Variants in HS1BP3 observed in about 807,000 individuals in gnomAD.
HS1BP3 encodes HCLS1 binding protein 3, also known as HCLS1-binding protein 3.
A neutral mutation model predicts 33.5 loss-of-function variants in HS1BP3; 32 were observed. That is an observed-to-expected ratio of 0.95 (90% CI 0.72 to 1.28). HS1BP3 has a LOEUF of 1.28. HS1BP3 is among the 50% of genes most tolerant of loss of function. HS1BP3 has a pLI of 0.00. For synonymous variants in HS1BP3, 187 were observed against 209.2 expected (o/e 0.89, Z 0.92); for missense variants, 486 against 502.3 (o/e 0.97, Z 0.31).
intron 2 of HS1BP3, among the ~76,000 whole-genome samples, chr2:20,604,171 T>C (rs1694125673): frequency 6.6e-6 from 1 of 152,228 alleles, no homozygotes; most frequent in Non-Finnish European, 1.5e-5. Flanking sequence ...GGGGAGGTTC[T>C]GGAAGGCAGG....
At position 20,572,742 on chromosome 2, in the gene HS1BP3, C is replaced by T. The variant is rs11893053; in HGVS notation, c.303-12227G>A. 2.7e-3 allele frequency among the ~76,000 whole-genome samples: 404 copies of T among 152,286 alleles called. 1 individual carries two copies. Among genetic ancestry groups the T allele is most frequent in the African/African-American group, 9.4e-3 (389 of 41,552 alleles). On this transcript the variant is annotated intron_variant, in intron 5 of 5. Transcript: ENST00000446825. ...CCTGTCTCTTCAGGGTACTGGAGCC[C>T]GGGGATCAGCTCCCAGCCTGTCCTT...
intron 5 of HS1BP3, among the ~76,000 whole-genome samples, chr2:20,570,736 G>A (rs13422371): frequency 3.9e-5 from 6 of 152,216 alleles, no homozygotes; most frequent in South Asian, 2.1e-4. Flanking sequence ...GAGAAGAAAT[G>A]GTGTCTCAGA....
At chr2:20,570,982 G>A (rs2149272373) in intron 5 of HS1BP3, among the ~76,000 whole-genome samples, 1 of 152,242 alleles carries the variant, frequency 6.6e-6, no homozygotes, top group African/African-American at 2.4e-5. Flanking sequence ...GGAGAGGGCT[G>A]GGAAGGATTG....
At position 20,618,907 on chromosome 2, in the gene HS1BP3, C is replaced by A; in HGVS notation, c.*80G>T. 3 of 1,506,676 alleles carry A rather than the reference C, an allele frequency of 2.0e-6. No individual in the cohort carries two copies. Among genetic ancestry groups the A allele is most frequent in the South Asian group, 2.7e-5 (2 of 75,200 alleles). 93.3% of individuals were successfully genotyped at this position (1,506,676 alleles called of 1,614,324 possible). On this transcript the variant is annotated 3_prime_UTR_variant, in exon 7 of 7. Transcript: ENST00000304031. ...TCCCCTGGGGGTGGGGAGGTTCTGACCCTGCAGGGCCCAGTCCCTTCCCTT... is the reference window on the plus strand; with the variant it reads ...TCCCCTGGGGGTGGGGAGGTTCTGAACCTGCAGGGCCCAGTCCCTTCCCTT...
chr2:20,634,022 C>A (rs998684041), intron 4 of HS1BP3, among the ~76,000 whole-genome samples: 3 of 152,252 alleles, frequency 2.0e-5, no homozygotes, highest in Non-Finnish European at 4.4e-5. Flanking sequence ...TCGGGCCCAG[C>A]CATCCTGGCT....
At chr2:20,603,746 T>C (rs1285195357) in intron 2 of HS1BP3, among the ~76,000 whole-genome samples, 4 of 152,258 alleles carry the variant, frequency 2.6e-5, no homozygotes, top group African/African-American at 9.6e-5. Context: ...ATGAATTATA[T>C]CTCAATGAAG....
intron 5 of HS1BP3, among the ~76,000 whole-genome samples, chr2:20,577,996 A>G (rs2882035): frequency 0.77 from 117,661 of 152,226 alleles, 49,226 homozygotes; most frequent in Non-Finnish European, 0.92. Flanking sequence ...GGTTGTGGCC[A>G]GGGGCCATGG....
At chr2:20,564,084 G>C (rs554138337) in intron 5 of HS1BP3, among the ~76,000 whole-genome samples, 1 of 152,226 alleles carries the variant, frequency 6.6e-6, no homozygotes, top group Non-Finnish European at 1.5e-5. Flanking sequence ...CAGAGTGAAC[G>C]TGGGAACTGT....
At chr2:20,596,459 G>A (rs772206710) in intron 3 of HS1BP3, among the ~76,000 whole-genome samples, 3 of 152,188 alleles carry the variant, frequency 2.0e-5, no homozygotes, top group Non-Finnish European at 4.4e-5. Context: ...GCTCCAGGGA[G>A]CTGCCTTGCC....
At chr2:20,605,275 C>G (rs186531276) in intron 2 of HS1BP3, among the ~76,000 whole-genome samples, 54 of 152,304 alleles carry the variant, frequency 3.5e-4, no homozygotes, top group South Asian at 1.2e-3. Flanking sequence ...TTGCACCCCC[C>G]ACTTGCTTCA....
At chr2:20,600,635 A>G (rs1383489745) in intron 2 of HS1BP3, among the ~76,000 whole-genome samples, 1 of 152,228 alleles carries the variant, frequency 6.6e-6, no homozygotes, top group Non-Finnish European at 1.5e-5. Context: ...TTCTACATTA[A>G]AATCCTCATG....
At chr2:20,594,782 C>T (rs546450921) in intron 3 of HS1BP3, among the ~76,000 whole-genome samples, 1 of 152,294 alleles carries the variant, frequency 6.6e-6, no homozygotes, top group South Asian at 2.1e-4. Flanking sequence ...GTGTCAGCAG[C>T]TTCGGTGTCT....
intron 6 of HS1BP3, among the ~76,000 whole-genome samples, 184 bp from the exon 7 acceptor site, chr2:20,619,429 G>A (rs1694526250): frequency 6.6e-6 from 1 of 152,156 alleles, no homozygotes; most frequent in South Asian, 2.1e-4. Context: ...CCTGCCCAGA[G>A]GAGACACGAA....
downstream of HS1BP3, among the ~76,000 whole-genome samples, chr2:20,559,886 C>T (rs72796459): frequency 0.042 from 6,339 of 152,280 alleles, 176 homozygotes; most frequent in Non-Finnish European, 0.07. Flanking sequence ...GCACCACTTG[C>T]GATTTTTATG....
chr2:20,628,126 C>A (rs1416460661), intron 4 of HS1BP3, among the ~76,000 whole-genome samples: 1 of 152,172 alleles, frequency 6.6e-6, no homozygotes, highest in Non-Finnish European at 1.5e-5. Context: ...GCCACCAGGC[C>A]CTCAGCCACT....
intron 3 of HS1BP3, among the ~76,000 whole-genome samples, chr2:20,593,123 A>G (rs1693858711): frequency 7.3e-6 from 1 of 137,454 alleles, no homozygotes; most frequent in Non-Finnish European, 1.5e-5. Context: ...TTCCTGCTTC[A>G]GGGCCTTGGC....
intron 3 of HS1BP3, among the ~76,000 whole-genome samples, chr2:20,596,111 A>G (rs1693937376): frequency 6.6e-6 from 1 of 152,026 alleles, no homozygotes; most frequent in South Asian, 2.1e-4. Flanking sequence ...ACAGGATGTG[A>G]CTCAAATTTC....
intron 3 of HS1BP3, among the ~76,000 whole-genome samples, chr2:20,594,803 G>T (rs576709656): frequency 1.3e-5 from 2 of 152,314 alleles, no homozygotes; most frequent in Admixed American, 6.5e-5. Flanking sequence ...GGGAGGGCTG[G>T]CTCTCTGATT....
intron 5 of HS1BP3, among the ~76,000 whole-genome samples, chr2:20,574,641 C>T (rs1357628168): frequency 1.3e-5 from 2 of 152,144 alleles, no homozygotes; most frequent in African/African-American, 2.4e-5. Flanking sequence ...TGGTCAGCCT[C>T]GGTGGATGAG....
Sources: allele counts gnomAD v4.1 joint callset (sites outside exome capture counted in the v4.1 genomes callset), GRCh38; gene constraint gnomAD v4.1.1; transcripts MANE v1.5; gene names NCBI Gene and HGNC (gene_info 2026-07-23, HGNC 2026-07-21).